DTX4: variants seen among roughly 807,000 people sequenced by gnomAD.
The protein encoded by DTX4 is E3 ubiquitin-protein ligase DTX4.
A neutral mutation model predicts 57.6 loss-of-function variants in DTX4; 28 were observed. That is an observed-to-expected ratio of 0.49 (90% CI 0.36 to 0.67). The LOEUF is 0.67. Ranked by LOEUF, DTX4 falls within the 30% of genes least tolerant of loss-of-function variation. The probability of loss-of-function intolerance (pLI) is 0.00; values close to 1 mark genes in which losing one functional copy is unlikely to be tolerated. For synonymous variants in DTX4, 316 were observed against 331.0 expected (o/e 0.95, Z 0.49); for missense variants, 715 against 836.8 (o/e 0.85, Z 1.80).
Position 59,182,193 on chromosome 11 carries a change from G to A in DTX4, c.666G>A (p.Pro222=), listed in dbSNP as rs199998347. ...TGCCAGTGACCCGCAAGAACATGCC[G>A]CCTCCTGGAGTGGTCAAGCTACCCC... ...LQLPVTRKNM[P]PPGVVKLPPL... Residue 222 remains proline, a synonymous_variant, in exon 2 of 9, where the codon CCG becomes CCA. Transcript: ENST00000227451. The A allele has an allele frequency of 1.3e-4, 208 of 1,611,104 alleles. 1 individual carries two copies. In the African/African-American group the frequency reaches 2.3e-3, roughly 18 times the overall value.
In DTX4 at chr11:59,204,916, A is replaced by C; in HGVS notation, c.*7A>C. The C allele has an allele frequency of 6.4e-7, 1 of 1,566,852 alleles. No homozygotes were observed. The highest frequency in any genetic ancestry group is 8.7e-7 in the Non-Finnish European group (1 of 1,154,922). On this transcript the variant is annotated 3_prime_UTR_variant, in exon 9 of 9. Coordinates refer to ENST00000227451, the MANE Select transcript of DTX4 (RefSeq NM_015177.2). ...TGCCCAGGAGAAGGACTGAGGCCAG[A>C]AAAGCTTTGAGGTGGGAGGGGCCAT... is the stretch of plus-strand genomic sequence containing the variant.
At chr11:59,171,847 G>A (rs1428132293), upstream of DTX4, among the ~76,000 whole-genome samples, 2 of 152,126 alleles carry the variant, frequency 1.3e-5, no homozygotes, top group Non-Finnish European at 2.9e-5. Context: ...AAAAGAGAGA[G>A]AGAGAGAAAA....
chr11:59,204,345 G>A (rs1862776761), intron 8 of DTX4, among the ~76,000 whole-genome samples: 2 of 152,226 alleles, frequency 1.3e-5, no homozygotes, highest in East Asian at 3.8e-4. Flanking sequence ...GTGCGTTGTA[G>A]GCACTGGTGT....
intron 1 of DTX4, among the ~76,000 whole-genome samples, chr11:59,176,602 G>T (rs1260981119): frequency 2.6e-5 from 4 of 152,206 alleles, no homozygotes; most frequent in African/African-American, 4.8e-5. Context: ...AGCGGCCTGG[G>T]ATTTCTTGGA....
In DTX4 at chr11:59,206,716, C is replaced by T. The variant is rs1862815722; in HGVS notation, c.*1807C>T. The T allele has an allele frequency of 6.6e-6, 1 of 152,506 alleles. No homozygotes were observed. The highest frequency in any genetic ancestry group is 2.1e-4 in the South Asian group (1 of 4,822). The allele number at this position is 152,506 out of a possible 1,614,324, so 9.4% of individuals were successfully genotyped here. ...GTGGATAGTCGATTCACCTGCCTGT[C>T]AGTCGATTCACCTGCCTGTCACCCA... On this transcript the variant is annotated 3_prime_UTR_variant, in exon 9 of 9. Coordinates refer to ENST00000227451, the MANE Select transcript of DTX4 (RefSeq NM_015177.2).
At chr11:59,188,856 T>C (rs1590984608) in intron 3 of DTX4, 60 bp downstream of exon 3, 1 of 1,449,228 alleles carries the variant, frequency 6.9e-7, no homozygotes, top group East Asian at 2.3e-5. Flanking sequence ...ATGAAATAGG[T>C]CATGAGCATT....
chr11:59,188,262 G>T (rs1862551091), intron 2 of DTX4, among the ~76,000 whole-genome samples: 1 of 152,140 alleles, frequency 6.6e-6, no homozygotes, highest in Non-Finnish European at 1.5e-5. Context: ...GGGATGGAGG[G>T]GTGGGTAGCA....
intron 1 of DTX4, among the ~76,000 whole-genome samples, chr11:59,180,868 C>A (rs1862454693): frequency 6.6e-6 from 1 of 152,146 alleles, no homozygotes; most frequent in South Asian, 2.1e-4. Flanking sequence ...ACAATCCTAC[C>A]TTTAGGAGGG....
At chr11:59,184,375 T>G (rs574501786) in intron 2 of DTX4, among the ~76,000 whole-genome samples, 2 of 152,222 alleles carry the variant, frequency 1.3e-5, no homozygotes, top group Non-Finnish European at 2.9e-5. Flanking sequence ...GATGGGATAG[T>G]AATAGTAACT....
In DTX4 at chr11:59,197,751, T is replaced by G. The variant is rs1430917675; in HGVS notation, c.1537-1933T>G. Among the ~76,000 whole-genome samples the G allele has an allele frequency of 2.0e-5, 3 of 152,136 alleles. No individual in the cohort carries two copies. In the East Asian group the frequency reaches 5.8e-4, roughly 29 times the overall value. ...TGGATATGGGGTCAGGTGAGACTTC[T>G]GGAGTGTCTCAGAGGCAATGAGTCA... On this transcript the variant is annotated intron_variant, in intron 7 of 8. Coordinates refer to ENST00000227451, the MANE Select transcript of DTX4 (RefSeq NM_015177.2).
chr11:59,171,685 G>C (rs572482471), upstream of DTX4, among the ~76,000 whole-genome samples: 1 of 152,290 alleles, frequency 6.6e-6, no homozygotes, highest in Admixed American at 6.5e-5. Flanking sequence ...ATGCGGGAGA[G>C]GATGAGGTAA....
In DTX4 at chr11:59,188,811, A is replaced by G. The variant is rs1862559991; in HGVS notation, c.997+15A>G. 4 of 1,610,616 alleles carry G rather than the reference A, an allele frequency of 2.5e-6. No homozygotes were observed. Among genetic ancestry groups the G allele is most frequent in the Non-Finnish European group, 2.5e-6 (3 of 1,176,912 alleles). Reference sequence around the variant, plus strand: ...TGCCTTGGCAGGTAAGAGAAACCCCAGGATGCTCTGGGTTAAGGTAGAGAA... The same window carrying G: ...TGCCTTGGCAGGTAAGAGAAACCCCGGGATGCTCTGGGTTAAGGTAGAGAA... On this transcript the variant is annotated intron_variant, in intron 3 of 8. Transcript: ENST00000227451.
At position 59,172,520 on chromosome 11, in the gene DTX4, G is replaced by GC. The variant is rs1413770407; in HGVS notation, c.-75dup. ...GCGGTCGAGGCCCGGAGGCGGCGGC[G>GC]CAGGAGGAAGCGGAGGAGGTCGGGC... On this transcript the variant is annotated 5_prime_UTR_variant, in exon 1 of 9. Transcript: ENST00000227451. The GC allele has an allele frequency of 9.6e-7, 1 of 1,037,452 alleles. No homozygotes were observed. Among genetic ancestry groups the GC allele is most frequent in the Non-Finnish European group, 1.2e-6 (1 of 808,566 alleles). 64.3% of individuals were successfully genotyped at this position (1,037,452 alleles called of 1,614,324 possible).
intron 7 of DTX4, among the ~76,000 whole-genome samples, chr11:59,196,422 C>A (rs1862670926): frequency 6.6e-6 from 1 of 152,246 alleles, no homozygotes; most frequent in Non-Finnish European, 1.5e-5. Flanking sequence ...GGCTTACCAG[C>A]CAGTCAGGGG....
chr11:59,206,148 C>T lies in DTX4; in HGVS notation c.*1239C>T, dbSNP rs1862804957. 4 of 152,240 alleles carry T rather than the reference C, an allele frequency of 2.6e-5. No individual in the cohort carries two copies. Among genetic ancestry groups the T allele is most frequent in the Non-Finnish European group, 5.9e-5 (4 of 68,052 alleles). 9.4% of individuals were successfully genotyped at this position (152,240 alleles called of 1,614,324 possible). A position where few individuals can be genotyped will look rare whatever the true frequency, so the allele number is the denominator to read the frequency against. ...TTTCTATGAAGGCTTCAATCTGTTT[C>T]CATGCAAATTTGCTAATCAGAGCCC... is the stretch of plus-strand genomic sequence containing the variant. On this transcript the variant is annotated 3_prime_UTR_variant, in exon 9 of 9. Transcript: ENST00000227451.
chr11:59,189,406 T>A (rs1168853441), intron 4 of DTX4, 83 bp downstream of exon 4: 30 of 1,351,858 alleles, frequency 2.2e-5, no homozygotes, highest in Non-Finnish European at 2.9e-5. Context: ...CCAAGGGTCA[T>A]AGCCACGGCT....
At chr11:59,174,269 CA>C (rs1297446630) in intron 1 of DTX4, among the ~76,000 whole-genome samples, 3 of 151,658 alleles carry the variant, frequency 2.0e-5, no homozygotes, top group African/African-American at 7.3e-5. Flanking sequence ...CTGGGAGGAG[CA>C]GAGAATAGAG....
In DTX4 at chr11:59,182,158, C is replaced by G. The variant is rs1862472535; in HGVS notation, c.631C>G (p.Pro211Ala). 6.2e-7 allele frequency: 1 copy of G among 1,612,804 alleles called. No homozygotes were observed. The highest frequency in any genetic ancestry group is 8.5e-7 in the Non-Finnish European group (1 of 1,179,622). The change falls in exon 2 of 9, where the codon CCC (proline) becomes GCC (alanine). Residue 211 changes from proline to alanine, a missense_variant. Coordinates refer to ENST00000227451, the MANE Select transcript of DTX4 (RefSeq NM_015177.2). ...AGCCGTGGTCAATGGCAGCACTGGGCCCCTACAGCTGCCAGTGACCCGCAA... is the reference window on the plus strand; with the variant it reads ...AGCCGTGGTCAATGGCAGCACTGGGGCCCTACAGCTGCCAGTGACCCGCAA... The part of the protein sequence containing the change: ...KAAVVNGSTG[P>A]LQLPVTRKNM...
intron 7 of DTX4, among the ~76,000 whole-genome samples, chr11:59,196,184 G>A (rs1862665854): frequency 6.6e-6 from 1 of 152,208 alleles, no homozygotes; most frequent in Non-Finnish European, 1.5e-5. Flanking sequence ...CAAACATGGA[G>A]TGTGGATTAT....
Sources: allele counts gnomAD v4.1 joint callset (sites outside exome capture counted in the v4.1 genomes callset), GRCh38; gene constraint gnomAD v4.1.1; transcripts MANE v1.5; gene names NCBI Gene and HGNC (gene_info 2026-07-23, HGNC 2026-07-21).